The following NBPF9 variants were observed in gnomAD, a reference collection of about 807,000 sequenced individuals.
The protein encoded by NBPF9 is NBPF family member NBPF9.
Under a neutral mutation model 97.8 loss-of-function variants are expected in NBPF9, and 91 were observed. That is an observed-to-expected ratio of 0.93 (90% CI 0.79 to 1.11). The LOEUF (loss-of-function observed/expected upper bound fraction) is 1.11. Ranked by LOEUF, NBPF9 falls within the 50% of genes least tolerant of loss-of-function variation. The pLI is 0.00. For synonymous variants in NBPF9, 334 were observed against 359.5 expected, an observed-to-expected ratio of 0.93 and a Z score of 0.80; for missense variants, 992 against 939.5, an observed-to-expected ratio of 1.06 and a Z score of -0.73.
intron 5 of NBPF9, among the ~76,000 whole-genome samples, chr1:149,086,236 C>T (rs1169611818): frequency 6.7e-6 from 1 of 149,340 alleles, no homozygotes; most frequent in East Asian, 1.9e-4. Flanking sequence ...TCCCTAACAA[C>T]TGTTTCAGTA....
chr1:149,098,676 T>C, exon 4 of NBPF9: 2 of 802,164 alleles, frequency 2.5e-6, no homozygotes, highest in Non-Finnish European at 3.2e-6. Context: ...AACCTTCGCC[T>C]GCATCTAAAC....
At chr1:149,083,212 A>G (rs201071430) in intron 5 of NBPF9, among the ~76,000 whole-genome samples, 5 of 137,212 alleles carry the variant, frequency 3.6e-5, no homozygotes, top group East Asian at 2.4e-4. Flanking sequence ...TGATTGTATG[A>G]TTATCACACA....
intron 12 of NBPF9, among the ~76,000 whole-genome samples, chr1:149,074,809 CATTATTATT>C (rs369434237): frequency 6.7e-6 from 1 of 149,560 alleles, no homozygotes; most frequent in Non-Finnish European, 1.5e-5. Flanking sequence ...TATTTATCAT[CATTATTATT>C]ATTATTATTA....
chr1:149,078,667 GA>G (rs1241799639), intron 9 of NBPF9, among the ~76,000 whole-genome samples: 1 of 137,306 alleles, frequency 7.3e-6, no homozygotes, highest in Non-Finnish European at 1.6e-5. Flanking sequence ...TTGCCAAAAA[GA>G]CAGCCTGGGA....
chr1:149,102,016 C>T (rs1331253186), intron 2 of NBPF9, among the ~76,000 whole-genome samples: 1 of 113,048 alleles, frequency 8.8e-6, no homozygotes, highest in Non-Finnish European at 1.8e-5. Context: ...GCAATCTCAA[C>T]CTCCTGGGCT....
At chr1:149,059,379 C>A (rs879056216) in intron 25 of NBPF9, 70,155 of 430,840 alleles carry the variant, frequency 0.16, 23,250 homozygotes, top group East Asian at 0.56. Flanking sequence ...ACTCTGAGTT[C>A]GTGCCCTCAT....
chr1:149,073,348 GAAGAA>G (rs1262235882), intron 13 of NBPF9, among the ~76,000 whole-genome samples: 1 of 140,556 alleles, frequency 7.1e-6, no homozygotes, highest in Non-Finnish European at 1.5e-5. Flanking sequence ...AAAGACGAAA[GAAGAA>G]AAGAATGACA....
exon 1 of NBPF9, chr1:149,103,364 G>T (rs587612873): frequency 2.0e-5 from 3 of 152,108 alleles, no homozygotes; most frequent in Non-Finnish European, 2.9e-5. Flanking sequence ...CAGCCGCGCC[G>T]CCGCGCCTCG....
chr1:149,058,749 A>G, intron 26 of NBPF9, 176 bp downstream of exon 26: 1 of 576,890 alleles, frequency 1.7e-6, no homozygotes. Context: ...TCACTGACCC[A>G]TTTCATGTCT....
rs1346711930 is a variant in NBPF9 at position 149,061,523 on chromosome 1, C to A, written c.2252-140G>T. The A allele has an allele frequency of 3.0e-5, 14 of 463,312 alleles. 3 individuals carry two copies. The highest frequency in any genetic ancestry group is 1.5e-3 in the Middle Eastern group (2 of 1,358). The allele number at this position is 463,312 out of a possible 1,614,324, so 28.7% of individuals were successfully genotyped here. ...AATGTGACAGATATACTTCAGGAAG[C>A]CTGAAAGCTGGTCATGATATTCTTT... On this transcript the variant is annotated intron_variant, in intron 22 of 29. Coordinates refer to ENST00000584027, the Ensembl canonical transcript of NBPF9.
chr1:149,072,679 C>T (rs587607002), intron 14 of NBPF9, 39 bp downstream of exon 14: 1 of 1,607,372 alleles, frequency 6.2e-7, no homozygotes, highest in East Asian at 2.2e-5. Flanking sequence ...CTCTCATAAG[C>T]CTGGGGTTTT....
Position 149,077,880 on chromosome 1 carries a change from T to C in NBPF9, c.566+3A>G. ...TTACTTGCTCCTGAGTATTCAGTGT[T>C]ACCTGGGGGCAGATGATTCCAGTAC... On this transcript the variant is annotated splice_donor_region_variant and intron_variant, in intron 10 of 29. Coordinates refer to ENST00000584027, the Ensembl canonical transcript of NBPF9. 2 of 1,572,372 alleles carry C rather than the reference T, an allele frequency of 1.3e-6. No individual in the cohort carries two copies. The highest frequency in any genetic ancestry group is 2.2e-5 in the South Asian group (2 of 90,246).
intron 14 of NBPF9, among the ~76,000 whole-genome samples, chr1:149,072,310 G>T (rs587605430): frequency 4.6e-5 from 7 of 152,018 alleles, no homozygotes; most frequent in Non-Finnish European, 8.8e-5. Context: ...TGTCTGCCAC[G>T]GAGAGAGACA....
exon 30 of NBPF9, chr1:149,055,258 T>A (rs1283788797): frequency 1.8e-5 from 6 of 337,714 alleles, no homozygotes; most frequent in Admixed American, 4.5e-5. Flanking sequence ...AGAATGAGGT[T>A]AGGTTCATTG....
intron 14 of NBPF9, among the ~76,000 whole-genome samples, chr1:149,072,374 A>G (rs1367634870): frequency 6.6e-6 from 1 of 152,170 alleles, no homozygotes; most frequent in Non-Finnish European, 1.5e-5. Context: ...AACATTGCCG[A>G]AAAGACAGCC....
chr1:149,090,821 C>T (rs1398882776), exon 5 of NBPF9: 1 of 574,298 alleles, frequency 1.7e-6, no homozygotes, highest in Non-Finnish European at 3.0e-6. Flanking sequence ...GGATTCCCAA[C>T]CAGTAAATCT....
chr1:149,072,211 A>C (rs1268720911), intron 14 of NBPF9, among the ~76,000 whole-genome samples: 2 of 151,394 alleles, frequency 1.3e-5, no homozygotes, highest in Non-Finnish European at 2.9e-5. Context: ...CTTCTCCAAC[A>C]TCACACGGCG....
intron 11 of NBPF9, among the ~76,000 whole-genome samples, chr1:149,076,485 C>T (rs587694588): frequency 2.7e-5 from 4 of 149,886 alleles, no homozygotes; most frequent in Admixed American, 2.0e-4. Context: ...TGTGAGCCAG[C>T]GCCCCTGGTC....
chr1:149,076,308 A>T (rs1253927724), intron 11 of NBPF9, among the ~76,000 whole-genome samples: 6 of 150,478 alleles, frequency 4.0e-5, no homozygotes, highest in Admixed American at 4.0e-4. Flanking sequence ...AGTGATTCTC[A>T]TCCCTCAGCC....
Sources: gnomAD v4.1 joint callset for allele counts (sites outside exome capture counted in the v4.1 genomes callset) on GRCh38, gnomAD v4.1.1 for gene constraint, MANE v1.5 for transcripts, NCBI Gene and HGNC (gene_info 2026-07-23, HGNC 2026-07-21) for gene names.